Variants in PPP2R2B observed in about 807,000 individuals in gnomAD.
PPP2R2B encodes protein phosphatase 2 regulatory subunit Bbeta, also known as serine/threonine-protein phosphatase 2A 55 kDa regulatory subunit B beta isoform.
In PPP2R2B, 5 loss-of-function variants were observed where a neutral mutation model predicts 46.0. The observed-to-expected ratio is 0.11, with a 90% confidence interval of 0.06 to 0.23. The LOEUF (loss-of-function observed/expected upper bound fraction) is 0.23, where lower values mean the gene tolerates loss of function less well. Ranked by LOEUF, PPP2R2B falls within the 10% of genes least tolerant of loss-of-function variation. The pLI, the probability that PPP2R2B is intolerant of heterozygous loss-of-function variation, is 1.00. For missense variants in PPP2R2B, 367 were observed against 575.0 expected (o/e 0.64, Z 3.70); for synonymous variants, 215 against 206.7 (o/e 1.04, Z -0.34).
chr5:147,055,893 G>A, exon 1 of PPP2R2B: 1 of 1,445,940 alleles, frequency 6.9e-7, no homozygotes. Flanking sequence ...GGAATAACTG[G>A]AGATGGGTCC....
At chr5:147,070,672 A>T (rs1316942488) in intron 2 of PPP2R2B, among the ~76,000 whole-genome samples, 1 of 152,196 alleles carries the variant, frequency 6.6e-6, no homozygotes, top group Admixed American at 6.5e-5. Context: ...CACCCTTGGC[A>T]CAGTGGTAGC....
rs759001261 is a variant in PPP2R2B, at chr5:146,973,954, G to A, written c.79+81711C>T. ...CTTGTTCCCCAGAGTTCCATCCTAG[G>A]CCCATCCTTCTTTAAAATCTGCAGA... is the stretch of plus-strand genomic sequence containing the variant. On this transcript the variant is annotated intron_variant, in intron 1 of 8. Coordinates refer to the PPP2R2B transcript ENST00000336640. Among the ~76,000 whole-genome samples, 30 of 152,200 alleles carry A rather than the reference G, an allele frequency of 2.0e-4. No homozygotes were observed. The Middle Eastern group carries it at 0.017, about 86-fold the overall frequency.
intron 2 of PPP2R2B, among the ~76,000 whole-genome samples, chr5:146,737,846 G>A (rs896716379): frequency 5.9e-5 from 9 of 151,960 alleles, no homozygotes; most frequent in African/African-American, 2.2e-4. Flanking sequence ...ATGCTGAGGT[G>A]GGAGGATCAC....
rs1769905633 is a variant in PPP2R2B at position 146,581,733 on chromosome 5, CT to C, written c.*8213del. 1 of 152,188 alleles carries C rather than the reference CT, an allele frequency of 6.6e-6. No homozygotes were observed. 9.4% of individuals were successfully genotyped at this position (152,188 alleles called of 1,614,324 possible). On this transcript the variant is annotated 3_prime_UTR_variant, in exon 10 of 10. Coordinates refer to ENST00000394411, the MANE Select transcript of PPP2R2B (RefSeq NM_181675.4). Reference sequence around the variant, plus strand: ...TGTGGCTTGTATGTAATATGACTCACTTTACTTTCCTTTACGGAGAAATAGA... The same window carrying C: ...TGTGGCTTGTATGTAATATGACTCACTTACTTTCCTTTACGGAGAAATAGA...
At chr5:146,771,856 A>G (rs544303258) in intron 2 of PPP2R2B, among the ~76,000 whole-genome samples, 23 of 152,316 alleles carry the variant, frequency 1.5e-4, no homozygotes, top group Non-Finnish European at 3.2e-4. Context: ...CCTGGCCCAT[A>G]AAAAGTATTC....
At chr5:147,049,385 T>A (rs1308326628) in intron 1 of PPP2R2B, among the ~76,000 whole-genome samples, 4 of 152,068 alleles carry the variant, frequency 2.6e-5, no homozygotes, top group Non-Finnish European at 2.9e-5. Context: ...GCTTTTTTTT[T>A]AGGAGGGAAA....
At chr5:146,663,103 A>AATTTTAT (rs1237687344) in intron 5 of PPP2R2B, among the ~76,000 whole-genome samples, 3 of 152,198 alleles carry the variant, frequency 2.0e-5, no homozygotes. Flanking sequence ...CACTCATAAC[A>AATTTTAT]ATTTTATGAG....
At chr5:146,794,965 T>A (rs1431371086) in intron 2 of PPP2R2B, among the ~76,000 whole-genome samples, 1 of 151,564 alleles carries the variant, frequency 6.6e-6, no homozygotes, top group African/African-American at 2.4e-5. Context: ...CTGCCCCCTA[T>A]TTTTTTTGTG....
chr5:146,741,549 A>G (rs1366026464), intron 2 of PPP2R2B, among the ~76,000 whole-genome samples: 1 of 152,100 alleles, frequency 6.6e-6, no homozygotes, highest in Non-Finnish European at 1.5e-5. Flanking sequence ...ACCCCTCTAC[A>G]GGGCAAATGG....
rs80085782 is a variant in PPP2R2B at position 146,925,628 on chromosome 5, A to G, written c.79+130037T>C. Among the ~76,000 whole-genome samples, 858 of 151,940 alleles carry G rather than the reference A, an allele frequency of 5.6e-3. 28 individuals carry two copies. In the East Asian group the frequency reaches 0.067, roughly 12 times the overall value. On this transcript the variant is annotated intron_variant, in intron 1 of 8. Coordinates refer to the PPP2R2B transcript ENST00000336640. Reference sequence around the variant, plus strand: ...TGTGTTCAAGTGTGGATCTATTTGTATTTATCCTGCTTGGGTTTCTTTGAG... The same window carrying G: ...TGTGTTCAAGTGTGGATCTATTTGTGTTTATCCTGCTTGGGTTTCTTTGAG...
At position 146,580,835 on chromosome 5, in the gene PPP2R2B, C is replaced by G. The variant is rs752002157; in HGVS notation, c.*9112G>C. On this transcript the variant is annotated 3_prime_UTR_variant, in exon 10 of 10. Transcript: ENST00000394411. The stretch of plus-strand genomic sequence containing the variant: ...CCTCTCCAGAGTTTCTCTTGGGACA[C>G]CGTGGGATTCATTTGAGAACAATGG... Among the ~76,000 whole-genome samples, 3 of 151,926 alleles carry G rather than the reference C, an allele frequency of 2.0e-5. No individual in the cohort carries two copies. Among genetic ancestry groups the G allele is most frequent in the Non-Finnish European group, 2.9e-5 (2 of 67,978 alleles).
intron 1 of PPP2R2B, among the ~76,000 whole-genome samples, chr5:146,889,640 C>A (rs915661700): frequency 3.3e-5 from 5 of 150,216 alleles, no homozygotes; most frequent in African/African-American, 1.3e-4. Context: ...CCTTATGCAT[C>A]TCTTTCTTTG....
At chr5:146,913,505 T>C (rs761072944) in intron 1 of PPP2R2B, among the ~76,000 whole-genome samples, 2 of 152,092 alleles carry the variant, frequency 1.3e-5, no homozygotes, top group Non-Finnish European at 1.5e-5. Flanking sequence ...ACTGAAATTC[T>C]ATTTATATTC....
chr5:146,879,940 C>T (rs1308586529), upstream of PPP2R2B, among the ~76,000 whole-genome samples: 1 of 152,142 alleles, frequency 6.6e-6, no homozygotes, highest in African/African-American at 2.4e-5. Context: ...GCTAGATGGG[C>T]CCAGAGGGAC....
intron 1 of PPP2R2B, among the ~76,000 whole-genome samples, chr5:146,886,147 G>A (rs1762315833): frequency 6.6e-6 from 1 of 152,038 alleles, no homozygotes; most frequent in Admixed American, 6.6e-5. Flanking sequence ...GACCACCCTG[G>A]CTAACAGGGT....
intron 1 of PPP2R2B, among the ~76,000 whole-genome samples, chr5:146,964,396 T>G (rs1018543826): frequency 2.7e-4 from 41 of 152,328 alleles, no homozygotes; most frequent in African/African-American, 9.6e-4. Context: ...CATGTCCTGC[T>G]AAATAGTTTG....
intron 2 of PPP2R2B, among the ~76,000 whole-genome samples, chr5:146,846,224 C>T (rs1028935452): frequency 3.3e-5 from 5 of 151,304 alleles, no homozygotes; most frequent in South Asian, 2.1e-4. Flanking sequence ...ACAAGAAATA[C>T]AAAAATTAGC....
Position 146,798,129 on chromosome 5 carries a change from G to A in PPP2R2B, c.70+79873C>T, listed in dbSNP as rs143909264. 1.4e-4 allele frequency among the ~76,000 whole-genome samples: 21 copies of A among 152,142 alleles called. 1 individual carries two copies. The highest frequency in any genetic ancestry group is 4.8e-4 in the African/African-American group (20 of 41,522). On this transcript the variant is annotated intron_variant, in intron 2 of 9. Coordinates refer to ENST00000394411, the MANE Select transcript of PPP2R2B (RefSeq NM_181675.4). ...TTGGGGACTTGGTGAGTCTGGTTTT[G>A]AGCCTCTAATTGGCTTTTACCCTCT... is the stretch of plus-strand genomic sequence containing the variant.
rs148837818 is a variant in PPP2R2B at position 147,054,728 on chromosome 5, G to A, written c.79+937C>T. On this transcript the variant is annotated intron_variant, in intron 1 of 8. Coordinates refer to the PPP2R2B transcript ENST00000336640. ...GCCAGCTCAGTTCCAAGAGAGTGTG[G>A]CTAGACATGAGTTGGAGTCACAACA... 1.2e-3 allele frequency: 562 copies of A among 455,998 alleles called. 3 individuals carry two copies. The highest frequency in any genetic ancestry group is 0.01 in the African/African-American group (518 of 50,172). 28.2% of individuals were successfully genotyped at this position (455,998 alleles called of 1,614,324 possible). A position where few individuals can be genotyped will look rare whatever the true frequency, so the allele number is the denominator to read the frequency against.
Sources: gnomAD v4.1 joint callset for allele counts (sites outside exome capture counted in the v4.1 genomes callset) on GRCh38, gnomAD v4.1.1 for gene constraint, MANE v1.5 for transcripts, NCBI Gene and HGNC (gene_info 2026-07-23, HGNC 2026-07-21) for gene names.